The following SNRPB variants were observed in gnomAD, a reference collection of about 807,000 sequenced individuals.
SNRPB encodes small nuclear ribonucleoprotein-associated proteins B and B'.
A neutral mutation model predicts 26.6 loss-of-function variants in SNRPB; 5 were observed. The ratio of observed to expected loss-of-function variants is 0.19; its 90% CI spans 0.10 to 0.39. SNRPB has a LOEUF of 0.39. SNRPB is among the 10% of genes least tolerant of loss of function. SNRPB has a pLI of 1.00. For synonymous variants in SNRPB, 122 were observed against 105.8 expected (o/e 1.15, Z -0.94); for missense variants, 211 against 311.9 (o/e 0.68, Z 2.44).
intron 3 of SNRPB, 42 bp downstream of exon 3, chr20:2,465,666 T>C (rs756004780): frequency 1.5e-6 from 2 of 1,329,636 alleles, no homozygotes; most frequent in South Asian, 1.2e-5. Context: ...TGGCTCACAG[T>C]AGGGCCTCCC....
Position 2,463,258 on chromosome 20 carries a change from G to A in SNRPB, c.421-31C>T. On this transcript the variant is annotated intron_variant, in intron 4 of 6. Transcript: ENST00000381342. The surrounding 1 kb of genome is among the most constrained non-coding windows in gnomAD (Gnocchi z 5.0). ...AGGACATAAGAAGAAAGAGTTAGAA[G>A]AGTACAGTACAATGCAGCTTCCCAC... is the stretch of plus-strand genomic sequence containing the variant. 1.3e-6 allele frequency: 2 copies of A among 1,586,092 alleles called. No homozygotes were observed. The highest frequency in any genetic ancestry group is 1.7e-6 in the Non-Finnish European group (2 of 1,154,870).
At chr20:2,462,013 C>G in intron 6 of SNRPB, 74 bp from the exon 7 acceptor site, 1 of 1,048,450 alleles carries the variant, frequency 9.5e-7, no homozygotes, top group South Asian at 1.3e-5. Flanking sequence ...CAGCCTCCCA[C>G]GCCCTGCAGT....
intron 3 of SNRPB, among the ~76,000 whole-genome samples, chr20:2,465,199 A>G (rs983591534): frequency 1.3e-5 from 2 of 152,168 alleles, no homozygotes; most frequent in African/African-American, 4.8e-5. Context: ...CACATTTCCT[A>G]TTGTTTCGGA....
intron 2 of SNRPB, chr20:2,467,281 G>C: frequency 2.0e-6 from 1 of 492,258 alleles, no homozygotes; most frequent in South Asian, 1.5e-5. Context: ...AATAGGCAAT[G>C]AGGCCAGAAA....
At position 2,463,001 on chromosome 20, in the gene SNRPB, A is replaced by G. The variant is rs2085046334; in HGVS notation, c.559+88T>C. ...TCCTGCTTAATTATACAAACTCATCATCAGCTTCAGTCAAGGTTATATCTC... is the reference window on the plus strand; with the variant it reads ...TCCTGCTTAATTATACAAACTCATCGTCAGCTTCAGTCAAGGTTATATCTC... On this transcript the variant is annotated intron_variant, in intron 5 of 6. Coordinates refer to ENST00000381342, the MANE Select transcript of SNRPB (RefSeq NM_003091.4). The surrounding 1 kb of genome is among the most constrained non-coding windows in gnomAD (Gnocchi z 5.0). The G allele has an allele frequency of 8.0e-7, 1 of 1,252,122 alleles. No individual in the cohort carries two copies. Among genetic ancestry groups the G allele is most frequent in the South Asian group, 1.5e-5 (1 of 68,294 alleles). 77.6% of individuals were successfully genotyped at this position (1,252,122 alleles called of 1,614,324 possible).
At position 2,463,922 on chromosome 20, in the gene SNRPB, C is replaced by G. The variant is rs1420707933; in HGVS notation, c.268-23G>C. 1.9e-6 allele frequency: 3 copies of G among 1,604,918 alleles called. No homozygotes were observed. The highest frequency in any genetic ancestry group is 2.6e-6 in the Non-Finnish European group (3 of 1,172,778). ...AGTCTGAAAAATAAACAAATATGCT[C>G]TGATGCCCAGTGATCTGAAGATCAG... On this transcript the variant is annotated intron_variant, in intron 3 of 6. Transcript: ENST00000381342. This position sits in a 1 kb window ranked among gnomAD's most constrained non-coding sequence, Gnocchi z 5.0.
chr20:2,470,404 C>A (rs1251813719), intron 1 of SNRPB, among the ~76,000 whole-genome samples: 1 of 152,386 alleles, frequency 6.6e-6, no homozygotes, highest in South Asian at 2.1e-4. Flanking sequence ...TTAGTGCCTA[C>A]TGGGTCCCAG....
rs2085049138 is a variant in SNRPB, at chr20:2,463,356, A to G, written c.421-129T>C. On this transcript the variant is annotated intron_variant, in intron 4 of 6. Coordinates refer to ENST00000381342, the MANE Select transcript of SNRPB (RefSeq NM_003091.4). This position sits in a 1 kb window ranked among gnomAD's most constrained non-coding sequence, Gnocchi z 5.0. ...ATCCCTTAATGCTACAACTCTCAGC[A>G]CCAGACTTCCCATCCAAAACCACAT... is the stretch of plus-strand genomic sequence containing the variant. 2.8e-6 allele frequency: 2 copies of G among 720,440 alleles called. No individual in the cohort carries two copies. Among genetic ancestry groups the G allele is most frequent in the East Asian group, 5.4e-5 (2 of 37,098 alleles). The allele number at this position is 720,440 out of a possible 1,614,324, so 44.6% of individuals were successfully genotyped here. A position where few individuals can be genotyped will look rare whatever the true frequency, so the allele number is the denominator to read the frequency against.
intron 5 of SNRPB, 33 bp from the exon 6 acceptor site, chr20:2,462,794 AGTGTCTATCTTGAAAAG>A (rs1348106494): frequency 4.0e-6 from 6 of 1,506,074 alleles, no homozygotes; most frequent in Non-Finnish European, 5.3e-6. Flanking sequence ...ATATAGCTCA[AGTGTCTATCTTGAAAAG>A]GTAGCAAAAA....
chr20:2,461,751 T>C lies in SNRPB; in HGVS notation c.*178A>G, dbSNP rs182522484. The stretch of plus-strand genomic sequence containing the variant: ...GGCAGGGAGCTGAGGAGGGCCAAGA[T>C]GAGTCTAGGGCCTTGGTGGGCGCAT... On this transcript the variant is annotated 3_prime_UTR_variant, in exon 7 of 7. Coordinates refer to ENST00000381342, the MANE Select transcript of SNRPB (RefSeq NM_003091.4). The C allele has an allele frequency of 6.3e-7, 1 of 1,590,526 alleles. No homozygotes were observed. The highest frequency in any genetic ancestry group is 1.3e-5 in the African/African-American group (1 of 74,190).
At position 2,463,785 on chromosome 20, in the gene SNRPB, C is replaced by T; in HGVS notation, c.382G>A (p.Ala128Thr). 6.2e-7 allele frequency: 1 copy of T among 1,609,456 alleles called. No homozygotes were observed. The highest frequency in any genetic ancestry group is 8.5e-7 in the Non-Finnish European group (1 of 1,178,354). Residue 128 changes from alanine (A) to threonine (T), a missense_variant, in exon 4 of 7, where the codon GCT becomes ACT. Physicochemically the swap from Ala to Thr is moderately conservative, Grantham distance 58. Coordinates refer to ENST00000381342, the MANE Select transcript of SNRPB (RefSeq NM_003091.4). This position sits in a 1 kb window ranked among gnomAD's most constrained non-coding sequence, Gnocchi z 5.0. ...VPMPQAPAGL[A>T]GPVRGVGGPS... Reference sequence around the variant, plus strand: ...CCGCCAACCCCACGGACTGGCCCAGCAAGTCCTGCAGGAGCCTGGGGCATG... The same window carrying T: ...CCGCCAACCCCACGGACTGGCCCAGTAAGTCCTGCAGGAGCCTGGGGCATG...
rs1393789875 is a variant in SNRPB at position 2,461,773 on chromosome 20, G to A, written c.*156C>T. On this transcript the variant is annotated 3_prime_UTR_variant, in exon 7 of 7. Transcript: ENST00000381342. The stretch of plus-strand genomic sequence containing the variant: ...AGATGAGTCTAGGGCCTTGGTGGGC[G>A]CATTCCCGGGGGAGGGGGCCCTGTA... The A allele has an allele frequency of 6.2e-6, 10 of 1,609,228 alleles. No homozygotes were observed. Among genetic ancestry groups the A allele is most frequent in the African/African-American group, 4.0e-5 (3 of 74,820 alleles).
intron 2 of SNRPB, chr20:2,467,063 A>C (rs2085079103): frequency 3.4e-6 from 1 of 293,778 alleles, no homozygotes. Flanking sequence ...AAGATCTGTG[A>C]GACTCAAGGC....
Position 2,467,618 on chromosome 20 carries a change from G to A in SNRPB, c.144C>T (p.Phe48=). The change falls in exon 2 of 7, where the codon TTC becomes TTT. Residue 48 remains phenylalanine, a synonymous_variant. Transcript: ENST00000381342. ...MNLILCDCDE[F]RKIKPKNSKQ... ...AGTCCACTCCTCACTTGATCTTTCTGAACTCATCACAGTCACAGAGGATCA... is the reference window on the plus strand; with the variant it reads ...AGTCCACTCCTCACTTGATCTTTCTAAACTCATCACAGTCACAGAGGATCA... 1 of 1,613,996 alleles carries A rather than the reference G, an allele frequency of 6.2e-7. No individual in the cohort carries two copies. The highest frequency in any genetic ancestry group is 2.2e-5 in the East Asian group (1 of 44,874).
In SNRPB at chr20:2,461,848, C is replaced by CA; in HGVS notation, c.*80dup. 1 of 1,614,030 alleles carries CA rather than the reference C, an allele frequency of 6.2e-7. No homozygotes were observed. The highest frequency in any genetic ancestry group is 1.1e-5 in the South Asian group (1 of 91,070). ...ACTCCACGAACAACAGCATAAGAAA[C>CA]AAACAGGTCTGTGGTAACGTGGCCC... is the stretch of plus-strand genomic sequence containing the variant. On this transcript the variant is annotated 3_prime_UTR_variant, in exon 7 of 7. Coordinates refer to ENST00000381342, the MANE Select transcript of SNRPB (RefSeq NM_003091.4).
rs1323924066 is a variant in SNRPB, at chr20:2,465,783, C to T, written c.192G>A (p.Lys64=). The T allele has an allele frequency of 1.2e-6, 2 of 1,613,584 alleles. No individual in the cohort carries two copies. The highest frequency in any genetic ancestry group is 2.2e-5 in the East Asian group (1 of 44,814). ...KNSKQAEREE[K]RVLGLVLLRG... ...GCAGCAGCACCAGACCGAGGACTCG[C>T]TTCTCTTCCCTTTCTGCTTGTTTGG... The change falls in exon 3 of 7, where the codon AAG becomes AAA. Residue 64 remains lysine (K), a synonymous_variant. Coordinates refer to ENST00000381342, the MANE Select transcript of SNRPB (RefSeq NM_003091.4).
chr20:2,465,619 G>A, intron 3 of SNRPB, 89 bp downstream of exon 3: 2 of 886,138 alleles, frequency 2.3e-6, no homozygotes, highest in Non-Finnish European at 3.6e-6. Context: ...GAGGATGCCT[G>A]TGAGAACTGC....
At chr20:2,469,620 G>A (rs181580148) in intron 1 of SNRPB, among the ~76,000 whole-genome samples, 372 of 152,302 alleles carry the variant, frequency 2.4e-3, no homozygotes, top group African/African-American at 7.2e-3. Context: ...TTGAACCCGG[G>A]AGGTGGAGTT....
intron 1 of SNRPB, among the ~76,000 whole-genome samples, chr20:2,470,183 C>T (rs1384109412): frequency 1.3e-5 from 2 of 152,218 alleles, no homozygotes; most frequent in Non-Finnish European, 2.9e-5. Flanking sequence ...TGGAGCTCTT[C>T]CTCCATTCGC....
Sources: gnomAD v4.1 joint callset for allele counts (sites outside exome capture counted in the v4.1 genomes callset) on GRCh38, gnomAD v4.1.1 for gene constraint, Gnocchi (gnomAD v3.1) non-coding constraint, MANE v1.5 for transcripts, NCBI Gene and HGNC (gene_info 2026-07-23, HGNC 2026-07-21) for gene names.